Variants in DERA observed in about 807,000 individuals in gnomAD.
DERA encodes the protein 2-deoxy-D-ribose 5-phosphate aldolase.
In DERA, 15 loss-of-function variants were observed where a neutral mutation model predicts 41.1. The ratio of observed to expected loss-of-function variants is 0.37; its 90% confidence interval spans 0.24 to 0.56. The LOEUF (loss-of-function observed/expected upper bound fraction) is 0.56, where lower values mean the gene tolerates loss of function less well. Among genes scored for constraint, DERA ranks in the 20% least tolerant of loss-of-function variants. The pLI, the probability that DERA is intolerant of heterozygous loss-of-function variation, is 0.81. For synonymous variants in DERA, 139 were observed against 137.4 expected (o/e 1.01, Z -0.08); for missense variants, 396 against 403.4 (o/e 0.98, Z 0.16).
intron 1 of DERA, among the ~76,000 whole-genome samples, chr12:15,933,880 G>A (rs1281985478): frequency 6.6e-6 from 1 of 152,102 alleles, no homozygotes; most frequent in African/African-American, 2.4e-5. Flanking sequence ...GTTCTATACT[G>A]TTATGCCCTA....
rs919661848 is a variant in DERA, at chr12:15,940,923, G to A, written c.32-16013G>A. Among the ~76,000 whole-genome samples the A allele has an allele frequency of 6.6e-6, 1 of 152,136 alleles. No homozygotes were observed. Among genetic ancestry groups the A allele is most frequent in the Non-Finnish European group, 1.5e-5 (1 of 68,034 alleles). The stretch of plus-strand genomic sequence containing the variant: ...TAGATATCTTTGGTTTCCATAGCAC[G>A]TGGCAAATGTTGAAAAACATTTTGT... On this transcript the variant is annotated intron_variant, in intron 1 of 8. Transcript: ENST00000428559. This position sits in a 1 kb window ranked among gnomAD's most constrained non-coding sequence, Gnocchi z 5.1.
At chr12:15,937,534 T>C (rs1948377832) in intron 1 of DERA, among the ~76,000 whole-genome samples, 2 of 152,378 alleles carry the variant, frequency 1.3e-5, no homozygotes, top group Middle Eastern at 3.4e-3. Flanking sequence ...TGTCTCATTT[T>C]TCATTAACTT....
intron 6 of DERA, among the ~76,000 whole-genome samples, chr12:16,029,905 G>T (rs942358219): frequency 1.6e-5 from 2 of 127,438 alleles, no homozygotes; most frequent in African/African-American, 5.4e-5. Context: ...TCCAAATGTA[G>T]CCTTGGTCTT....
Position 15,994,283 on chromosome 12 carries a change from C to CT in DERA, c.637+11850dup, listed in dbSNP as rs1948822161. ...ATTTTTAAATAAAGCTGTATTTCCC[C>CT]TTTAAACATTAAGGGATTTTATTTT... On this transcript the variant is annotated intron_variant, in intron 6 of 8. Coordinates refer to ENST00000428559, the MANE Select transcript of DERA (RefSeq NM_015954.4). This position sits in a 1 kb window ranked among gnomAD's most constrained non-coding sequence, Gnocchi z 4.8. Among the ~76,000 whole-genome samples the CT allele has an allele frequency of 6.6e-6, 1 of 152,176 alleles. No homozygotes were observed. The highest frequency in any genetic ancestry group is 1.5e-5 in the Non-Finnish European group (1 of 68,038).
chr12:15,982,408 T>C lies in DERA; in HGVS notation c.609T>C (p.Tyr203=). ...AACTTGGAACTCTTACTAATGTCTA[T>C]AAAGCCAGTATGATAGCAATGATGG... The part of the protein sequence containing the change: ...TGELGTLTNV[Y]KASMIAMMAG... Residue 203 remains tyrosine, a synonymous_variant, in exon 6 of 9, where the codon TAT becomes TAC. Transcript: ENST00000428559. This position sits in a 1 kb window ranked among gnomAD's most constrained non-coding sequence, Gnocchi z 4.0. The C allele has an allele frequency of 6.2e-7, 1 of 1,612,872 alleles. No homozygotes were observed. Among genetic ancestry groups the C allele is most frequent in the African/African-American group, 1.3e-5 (1 of 74,984 alleles).
intron 5 of DERA, among the ~76,000 whole-genome samples, chr12:15,975,912 T>C (rs1948693907): frequency 6.8e-6 from 1 of 146,766 alleles, no homozygotes; most frequent in Non-Finnish European, 1.5e-5. Context: ...ATTGATTAAC[T>C]GTATTTAGAA....
At chr12:15,951,925 G>T (rs572769307) in intron 1 of DERA, among the ~76,000 whole-genome samples, 1 of 149,636 alleles carries the variant, frequency 6.7e-6, no homozygotes, top group South Asian at 2.1e-4. Flanking sequence ...TTTTTGAGAC[G>T]GAGTCTTGCT....
intron 1 of DERA, among the ~76,000 whole-genome samples, chr12:15,950,600 G>T (rs781127802): frequency 6.6e-6 from 1 of 152,162 alleles, no homozygotes; most frequent in Non-Finnish European, 1.5e-5. Flanking sequence ...AGATGGAATT[G>T]CTCTGGTTCA....
At chr12:15,975,315 C>A (rs573001727) in intron 5 of DERA, among the ~76,000 whole-genome samples, 89 of 152,084 alleles carry the variant, frequency 5.9e-4, no homozygotes, top group African/African-American at 2.0e-3. Context: ...TCCTCTTGTG[C>A]TGAATTAGTT....
intron 5 of DERA, among the ~76,000 whole-genome samples, chr12:15,977,516 A>G (rs1948705664): frequency 6.6e-6 from 1 of 152,148 alleles, no homozygotes; most frequent in African/African-American, 2.4e-5. Flanking sequence ...GCAATGGCGC[A>G]ATCTCAGCTC....
In DERA at chr12:15,943,961, G is replaced by C. The variant is rs1481488271; in HGVS notation, c.32-12975G>C. Among the ~76,000 whole-genome samples the C allele has an allele frequency of 1.4e-5, 2 of 142,538 alleles. No individual in the cohort carries two copies. Among genetic ancestry groups the C allele is most frequent in the African/African-American group, 2.6e-5 (1 of 37,898 alleles). 93.5% of individuals were successfully genotyped at this position (142,538 alleles called of 152,430 possible). A position where few individuals can be genotyped will look rare whatever the true frequency, so the allele number is the denominator to read the frequency against. Reference sequence around the variant, plus strand: ...TTCTCATTGTTCAATTCCCACCTATGAGTGAGAACATGCGGTGTTTGGTTT... The same window carrying C: ...TTCTCATTGTTCAATTCCCACCTATCAGTGAGAACATGCGGTGTTTGGTTT... On this transcript the variant is annotated intron_variant, in intron 1 of 8. Transcript: ENST00000428559. The surrounding 1 kb of genome is among the most constrained non-coding windows in gnomAD (Gnocchi z 4.5).
At chr12:15,925,531 G>A (rs1948275798) in intron 1 of DERA, among the ~76,000 whole-genome samples, 1 of 152,064 alleles carries the variant, frequency 6.6e-6, no homozygotes, top group African/African-American at 2.4e-5. Context: ...GAGTGAAATT[G>A]TTCTAAAATT....
intron 4 of DERA, among the ~76,000 whole-genome samples, chr12:15,961,424 C>T (rs1948586832): frequency 6.6e-6 from 1 of 151,952 alleles, no homozygotes; most frequent in African/African-American, 2.4e-5. Context: ...TCTGTGATCC[C>T]AACACTTTGG....
chr12:15,975,171 T>C (rs1024480589), intron 5 of DERA, among the ~76,000 whole-genome samples: 3 of 152,174 alleles, frequency 2.0e-5, no homozygotes, highest in Non-Finnish European at 2.9e-5. Context: ...GTTTTATTAC[T>C]ACTCAAGTCA....
intron 1 of DERA, among the ~76,000 whole-genome samples, chr12:15,916,784 T>C (rs1327861337): frequency 6.6e-6 from 1 of 152,058 alleles, no homozygotes; most frequent in Non-Finnish European, 1.5e-5. Flanking sequence ...TTTTAAAAAA[T>C]GTTTAAAATA....
rs1948521409 is a variant in DERA, at chr12:15,954,342, T to G, written c.32-2594T>G. Among the ~76,000 whole-genome samples the G allele has an allele frequency of 6.6e-6, 1 of 152,104 alleles. No homozygotes were observed. The highest frequency in any genetic ancestry group is 1.5e-5 in the Non-Finnish European group (1 of 68,030). Reference sequence around the variant, plus strand: ...AAAAATCTTTTGGGGACATAAACATTTGGACACATCAGTGGCATTCTGAGT... The same window carrying G: ...AAAAATCTTTTGGGGACATAAACATGTGGACACATCAGTGGCATTCTGAGT... On this transcript the variant is annotated intron_variant, in intron 1 of 8. Transcript: ENST00000428559. The surrounding 1 kb of genome is among the most constrained non-coding windows in gnomAD (Gnocchi z 4.0).
In DERA at chr12:15,924,509, A is replaced by T. The variant is rs770146174; in HGVS notation, c.31+13095A>T. Among the ~76,000 whole-genome samples, 3 of 152,242 alleles carry T rather than the reference A, an allele frequency of 2.0e-5. No individual in the cohort carries two copies. The highest frequency in any genetic ancestry group is 2.9e-5 in the Non-Finnish European group (2 of 68,048). Reference sequence around the variant, plus strand: ...GAAATAACTTGGGTTTTTGAATTATAGAGATCTGTGTTTCCATCTTAGCCC... The same window carrying T: ...GAAATAACTTGGGTTTTTGAATTATTGAGATCTGTGTTTCCATCTTAGCCC... On this transcript the variant is annotated intron_variant, in intron 1 of 8. Coordinates refer to ENST00000428559, the MANE Select transcript of DERA (RefSeq NM_015954.4). The surrounding 1 kb of genome is among the most constrained non-coding windows in gnomAD (Gnocchi z 5.0).
rs1422079874 is a variant in DERA, at chr12:15,989,191, C to T, written c.637+6755C>T. On this transcript the variant is annotated intron_variant, in intron 6 of 8. Coordinates refer to ENST00000428559, the MANE Select transcript of DERA (RefSeq NM_015954.4). This position sits in a 1 kb window ranked among gnomAD's most constrained non-coding sequence, Gnocchi z 5.2. ...CCAACATGGTAGAGGGTGGAGCTCC[C>T]ACCTGTTCCCAGACCTCACCAGCTC... 6.6e-6 allele frequency among the ~76,000 whole-genome samples: 1 copy of T among 152,226 alleles called. No individual in the cohort carries two copies. The highest frequency in any genetic ancestry group is 1.5e-5 in the Non-Finnish European group (1 of 68,044).
In DERA at chr12:15,970,276, C is replaced by T. The variant is rs891103240; in HGVS notation, c.508+7329C>T. ...CAAAAAATAATTGCTTAGATATGTT[C>T]GTTAACAATTATTTTTAAGTGCCTT... On this transcript the variant is annotated intron_variant, in intron 5 of 8. Transcript: ENST00000428559. This position sits in a 1 kb window ranked among gnomAD's most constrained non-coding sequence, Gnocchi z 4.3. Among the ~76,000 whole-genome samples the T allele has an allele frequency of 6.6e-6, 1 of 151,968 alleles. No homozygotes were observed. Among genetic ancestry groups the T allele is most frequent in the South Asian group, 2.1e-4 (1 of 4,822 alleles).
Sources: allele counts gnomAD v4.1 joint callset (sites outside exome capture counted in the v4.1 genomes callset), GRCh38; gene constraint gnomAD v4.1.1; non-coding constraint Gnocchi (gnomAD v3.1); transcripts MANE v1.5; gene names NCBI Gene and HGNC (gene_info 2026-07-23, HGNC 2026-07-21).